The following FOLH1 variants were observed in gnomAD, a reference collection of about 807,000 sequenced individuals.
FOLH1 encodes the protein glutamate carboxypeptidase 2.
A neutral mutation model predicts 93.9 loss-of-function variants in FOLH1; 54 were observed. The observed-to-expected ratio is 0.57, with a 90% confidence interval of 0.46 to 0.72. The LOEUF is 0.72. FOLH1 is among the 30% of genes least tolerant of loss of function. The probability of loss-of-function intolerance (pLI) is 0.00; values close to 1 mark genes in which losing one functional copy is unlikely to be tolerated. For missense variants in FOLH1, 571 were observed against 892.5 expected, an observed-to-expected ratio of 0.64 and a Z score of 4.59; for synonymous variants, 249 against 303.6, an observed-to-expected ratio of 0.82 and a Z score of 1.87.
chr11:49,148,115 T>A (rs1209754797), intron 18 of FOLH1, among the ~76,000 whole-genome samples: 1 of 151,934 alleles, frequency 6.6e-6, no homozygotes, highest in Non-Finnish European at 1.5e-5. Context: ...AAGATCAACC[T>A]GGGGACAGTC....
At chr11:49,174,295 A>G (rs535408352) in intron 9 of FOLH1, among the ~76,000 whole-genome samples, 3 of 152,214 alleles carry the variant, frequency 2.0e-5, no homozygotes, top group South Asian at 2.1e-4. Context: ...ATATGCATTT[A>G]ATAGTATCTG....
chr11:49,185,856 C>G lies in FOLH1; in HGVS notation c.640-1G>C. The G allele has an allele frequency of 1.3e-6, 2 of 1,529,040 alleles. No individual in the cohort carries two copies. Among genetic ancestry groups the G allele is most frequent in the Non-Finnish European group, 1.7e-6 (2 of 1,144,636 alleles). 94.7% of individuals were successfully genotyped at this position (1,529,040 alleles called of 1,614,324 possible). A position where few individuals can be genotyped will look rare whatever the true frequency, so the allele number is the denominator to read the frequency against. On this transcript the variant is annotated splice_acceptor_variant, in intron 5 of 18. Coordinates refer to ENST00000256999, the MANE Select transcript of FOLH1 (RefSeq NM_004476.3). LOFTEE classifies it high-confidence loss of function. ...CCCCTGCCAGCTGGGCATTTTTAAC[C>G]TAGAAAACACAGTGTCTTTCTTTCC...
In FOLH1 at chr11:49,164,770, T is replaced by G. The variant is rs1858160868; in HGVS notation, c.1375A>C (p.Asn459His). ...GTACAATCAACTCTCAGAGTGTAGT[T>G]TCCTGAAAAATAAGAAAAGAATAGA... ...YINADSSIEG[N>H]YTLRVDCTPL... The change falls in exon 13 of 19, where the codon AAC (asparagine) becomes CAC (histidine). Residue 459 changes from asparagine to histidine, a missense_variant and splice_region_variant. By Grantham distance (68) the Asn-to-His change is moderately conservative. Transcript: ENST00000256999. 1 of 1,597,042 alleles carries G rather than the reference T, an allele frequency of 6.3e-7. No individual in the cohort carries two copies. The highest frequency in any genetic ancestry group is 8.6e-7 in the Non-Finnish European group (1 of 1,168,208).
intron 1 of FOLH1, chr11:49,206,798 C>T: frequency 1.3e-6 from 2 of 1,535,724 alleles, no homozygotes; most frequent in Admixed American, 2.0e-5. Flanking sequence ...TGCCAGACAC[C>T]CAGTGCACGC....
rs1177215673 is a variant in FOLH1 at position 49,208,325 on chromosome 11, C to G, written c.85G>C (p.Ala29Pro). 9 of 1,590,978 alleles carry G rather than the reference C, an allele frequency of 5.7e-6. No individual in the cohort carries two copies. Among genetic ancestry groups the G allele is most frequent in the African/African-American group, 2.7e-5 (2 of 74,374 alleles). The change falls in exon 1 of 19, where the codon GCG (alanine) becomes CCG (proline). Residue 29 changes from alanine to proline, a missense_variant. Ala to Pro is a conservative substitution (Grantham distance 27). Transcript: ENST00000256999. Reference protein sequence around the residue: ...RWLCAGALVLAGGFFLLGFLF... With the variant: ...RWLCAGALVLPGGFFLLGFLF... ...AAGCCGAGGAGAAAGAAGCCACCCG[C>G]CAGCACCAGCGCCCCAGCGCACAGC...
At chr11:49,180,628 C>T (rs1860613306) in intron 7 of FOLH1, among the ~76,000 whole-genome samples, 1 of 152,178 alleles carries the variant, frequency 6.6e-6, no homozygotes, top group Non-Finnish European at 1.5e-5. Context: ...CTGCTAACCA[C>T]TTGAGAGAAC....
At chr11:49,158,549 C>T (rs1371423387) in intron 13 of FOLH1, among the ~76,000 whole-genome samples, 1 of 152,008 alleles carries the variant, frequency 6.6e-6, no homozygotes, top group Admixed American at 6.6e-5. Flanking sequence ...ATTACTGTAG[C>T]CTCATAGTAT....
intron 7 of FOLH1, among the ~76,000 whole-genome samples, chr11:49,180,880 T>A (rs561263351): frequency 1.3e-5 from 2 of 152,198 alleles, no homozygotes; most frequent in Non-Finnish European, 2.9e-5. Context: ...TTAACGGTGA[T>A]TGTATTTGTA....
intron 16 of FOLH1, 106 bp downstream of exon 16, chr11:49,154,122 C>T: frequency 6.7e-7 from 1 of 1,485,760 alleles, no homozygotes; most frequent in Non-Finnish European, 9.1e-7. Context: ...AATATTGGAT[C>T]ACTTGAAATA....
At chr11:49,188,541 T>A in intron 4 of FOLH1, among the ~76,000 whole-genome samples, 1 of 151,536 alleles carries the variant, frequency 6.6e-6, no homozygotes, top group East Asian at 1.9e-4. Context: ...TAGATTAAGT[T>A]ATAATTATAA....
intron 2 of FOLH1, among the ~76,000 whole-genome samples, chr11:49,205,212 A>AAAAGG (rs1863766804): frequency 6.6e-6 from 1 of 152,128 alleles, no homozygotes; most frequent in Non-Finnish European, 1.5e-5. Context: ...CTCAAAAGAA[A>AAAAGG]AAAGGAAAGA....
rs752820178 is a variant in FOLH1, at chr11:49,200,332, G to A, written c.334C>T (p.His112Tyr). ...EFGLDSVELA[H>Y]YDVLLSYPNK... ...GGGTAGGACAACAGGACATCATAAT[G>A]TGCTAGCTCAACAGAATCCAGGCCA... Residue 112 changes from histidine (H) to tyrosine (Y), a missense_variant, in exon 3 of 19, where the codon CAT becomes TAT. Physicochemically the swap from His to Tyr is moderately conservative, Grantham distance 83. Coordinates refer to ENST00000256999, the MANE Select transcript of FOLH1 (RefSeq NM_004476.3). 26 of 1,613,026 alleles carry A rather than the reference G, an allele frequency of 1.6e-5. No homozygotes were observed. The highest frequency in any genetic ancestry group is 1.4e-5 in the Non-Finnish European group (16 of 1,179,438).
intron 12 of FOLH1, 88 bp downstream of exon 12, chr11:49,169,107 T>C: frequency 4.8e-6 from 7 of 1,448,526 alleles, no homozygotes; most frequent in South Asian, 1.2e-5. Context: ...CATTAATGCA[T>C]AGCCTTCCTT....
intron 17 of FOLH1, among the ~76,000 whole-genome samples, chr11:49,153,471 C>T (rs373313796): frequency 6.6e-6 from 1 of 151,744 alleles, no homozygotes; most frequent in Non-Finnish European, 1.5e-5. Flanking sequence ...CAGCTGGGGT[C>T]ACACAGTAGA....
chr11:49,173,853 A>T (rs761242148), intron 9 of FOLH1, among the ~76,000 whole-genome samples: 1 of 152,144 alleles, frequency 6.6e-6, no homozygotes, highest in East Asian at 1.9e-4. Flanking sequence ...AAGTTCTCCA[A>T]TTCCTATTCT....
At chr11:49,163,438 T>C (rs1462834562) in intron 13 of FOLH1, among the ~76,000 whole-genome samples, 1 of 151,644 alleles carries the variant, frequency 6.6e-6, no homozygotes, top group Non-Finnish European at 1.5e-5. Flanking sequence ...AGCCTAAAGG[T>C]GGGAATGGCT....
At chr11:49,168,357 T>A (rs1236430008) in intron 12 of FOLH1, among the ~76,000 whole-genome samples, 1 of 152,106 alleles carries the variant, frequency 6.6e-6, no homozygotes, top group Non-Finnish European at 1.5e-5. Context: ...GATATATTAG[T>A]GGAGCTGGAT....
intron 4 of FOLH1, among the ~76,000 whole-genome samples, chr11:49,188,253 G>T (rs180934366): frequency 6.6e-6 from 1 of 152,210 alleles, no homozygotes; most frequent in Admixed American, 6.5e-5. Context: ...GGTGGCTCAT[G>T]CCTGTAATCC....
chr11:49,154,120 A>G (rs890402284), intron 16 of FOLH1, 108 bp downstream of exon 16: 1 of 1,483,576 alleles, frequency 6.7e-7, no homozygotes, highest in Non-Finnish European at 9.1e-7. Context: ...AGAATATTGG[A>G]TCACTTGAAA....
Sources: allele counts gnomAD v4.1 joint callset (sites outside exome capture counted in the v4.1 genomes callset), GRCh38; gene constraint gnomAD v4.1.1; transcripts MANE v1.5; gene names NCBI Gene and HGNC (gene_info 2026-07-23, HGNC 2026-07-21).